Variants in RHOU observed in about 807,000 individuals in gnomAD.
RHOU encodes the protein ras homolog family member U.
A neutral mutation model predicts 12.6 loss-of-function variants in RHOU; 8 were observed. The observed-to-expected ratio is 0.64, with a 90% CI of 0.37 to 1.15. The LOEUF is 1.15. RHOU is among the 50% of genes most tolerant of loss of function. The pLI is 0.01. For synonymous variants in RHOU, 161 were observed against 147.4 expected, an observed-to-expected ratio of 1.09 and a Z score of -0.67; for missense variants, 258 against 347.0, an observed-to-expected ratio of 0.74 and a Z score of 2.04.
the RHOU span, among the ~76,000 whole-genome samples, chr1:228,690,700 C>A: frequency 6.6e-6 from 1 of 152,090 alleles, no homozygotes; most frequent in South Asian, 2.1e-4. Context: ...TCACTGAAAC[C>A]TTTGCCTTCT....
the RHOU span, among the ~76,000 whole-genome samples, chr1:228,648,496 C>CG: frequency 6.6e-6 from 1 of 152,182 alleles, no homozygotes. Flanking sequence ...TGCCTTGCGG[C>CG]GGGGGGATTG....
At chr1:228,704,327 C>T in the RHOU span, among the ~76,000 whole-genome samples, 864 of 152,220 alleles carry the variant, frequency 5.7e-3, no homozygotes, top group Middle Eastern at 0.02. Flanking sequence ...CATGGTCACG[C>T]GCTTAATCTT....
chr1:228,737,746 A>G lies in RHOU; in HGVS notation c.321+15A>G, dbSNP rs201828682. Reference sequence around the variant, plus strand: ...CTGCCGGACAGGTCAGTATCACGTTACAGCTCAGTGCTGGGAAAGGAAACA... The same window carrying G: ...CTGCCGGACAGGTCAGTATCACGTTGCAGCTCAGTGCTGGGAAAGGAAACA... On this transcript the variant is annotated intron_variant, in intron 2 of 2. Coordinates refer to ENST00000366691, the MANE Select transcript of RHOU (RefSeq NM_021205.6). The surrounding 1 kb of genome is among the most constrained non-coding windows in gnomAD (Gnocchi z 4.1). The G allele has an allele frequency of 1.4e-4, 221 of 1,613,562 alleles. 1 individual carries two copies. The highest frequency in any genetic ancestry group is 3.3e-5 in the Admixed American group (2 of 60,006).
At chr1:228,702,087 A>G in the RHOU span, among the ~76,000 whole-genome samples, 1 of 152,180 alleles carries the variant, frequency 6.6e-6, no homozygotes, top group Non-Finnish European at 1.5e-5. Context: ...ATAAGATGCC[A>G]AATTATATAA....
At chr1:228,669,512 G>A in the RHOU span, among the ~76,000 whole-genome samples, 1 of 152,154 alleles carries the variant, frequency 6.6e-6, no homozygotes, top group African/African-American at 2.4e-5. Flanking sequence ...ACCTAAGAAT[G>A]TTTTTTCTGC....
the RHOU span, among the ~76,000 whole-genome samples, chr1:228,668,830 C>T: frequency 6.6e-6 from 1 of 152,204 alleles, no homozygotes; most frequent in East Asian, 1.9e-4. Context: ...AGGCTTGAGC[C>T]AGCAGACTAG....
At chr1:228,689,345 C>T in the RHOU span, among the ~76,000 whole-genome samples, 6 of 152,088 alleles carry the variant, frequency 3.9e-5, no homozygotes, top group Non-Finnish European at 7.3e-5. Flanking sequence ...AGATAGGGCC[C>T]AGCAAATGTG....
chr1:228,674,868 C>T, the RHOU span, among the ~76,000 whole-genome samples: 3 of 151,610 alleles, frequency 2.0e-5, no homozygotes, highest in Non-Finnish European at 4.4e-5. Flanking sequence ...GTAGCTGGGA[C>T]TACAGGCGCC....
the RHOU span, among the ~76,000 whole-genome samples, chr1:228,679,864 A>C: frequency 6.6e-6 from 1 of 151,942 alleles, no homozygotes; most frequent in Non-Finnish European, 1.5e-5. Context: ...ACTGGGGGAA[A>C]AGGGCGGTAA....
chr1:228,679,519 T>A, the RHOU span, among the ~76,000 whole-genome samples: 1 of 151,874 alleles, frequency 6.6e-6, no homozygotes, highest in Non-Finnish European at 1.5e-5. Flanking sequence ...GGAGAATATA[T>A]GGGTTTGGCA....
chr1:228,735,648 G>T lies in RHOU; in HGVS notation c.-95G>T. 8.2e-6 allele frequency: 8 copies of T among 976,188 alleles called. No individual in the cohort carries two copies. Among genetic ancestry groups the T allele is most frequent in the Non-Finnish European group, 1.0e-5 (8 of 777,882 alleles). The allele number at this position is 976,188 out of a possible 1,614,324, so 60.5% of individuals were successfully genotyped here. A position where few individuals can be genotyped will look rare whatever the true frequency, so the allele number is the denominator to read the frequency against. The stretch of plus-strand genomic sequence containing the variant: ...GGCCGGGGACGCGCCCGCAGCTGTC[G>T]GTGACAGCTCCTCCCTACCGCAACC... On this transcript the variant is annotated 5_prime_UTR_variant, in exon 1 of 3. Transcript: ENST00000366691. The surrounding 1 kb of genome is among the most constrained non-coding windows in gnomAD (Gnocchi z 8.1).
the RHOU span, among the ~76,000 whole-genome samples, chr1:228,674,892 G>A: frequency 5.3e-5 from 8 of 151,834 alleles, no homozygotes; most frequent in South Asian, 2.1e-4. Flanking sequence ...CACCATGCCC[G>A]GCTAATTTTT....
the RHOU span, among the ~76,000 whole-genome samples, chr1:228,707,105 C>CATATATATATATATATATAT: frequency 1.4e-5 from 1 of 70,830 alleles, no homozygotes; most frequent in Admixed American, 1.7e-4. Context: ...TATATACATA[C>CATATATATATATATATATAT]ATATATATAT....
chr1:228,658,532 C>G, the RHOU span, among the ~76,000 whole-genome samples: 1 of 152,176 alleles, frequency 6.6e-6, no homozygotes, highest in African/African-American at 2.4e-5. Context: ...ATGCCTTGAT[C>G]TTGGACACCC....
chr1:228,708,491 G>T, the RHOU span, among the ~76,000 whole-genome samples: 4 of 151,414 alleles, frequency 2.6e-5, no homozygotes, highest in Non-Finnish European at 5.9e-5. Context: ...AGAAGAGAGT[G>T]GGGGCCAATA....
the RHOU span, among the ~76,000 whole-genome samples, chr1:228,719,101 C>T: frequency 1.3e-5 from 2 of 152,136 alleles, no homozygotes; most frequent in African/African-American, 2.4e-5. Context: ...GTGGAGTATC[C>T]TGATGGCTTC....
the RHOU span, among the ~76,000 whole-genome samples, chr1:228,714,740 C>CTTTTTTT: frequency 5.6e-4 from 47 of 83,704 alleles, 1 homozygote; most frequent in African/African-American, 8.6e-4. Context: ...TGTTAATTAT[C>CTTTTTTT]TTTTTTTTTT....
At chr1:228,664,587 A>T in the RHOU span, among the ~76,000 whole-genome samples, 4 of 152,146 alleles carry the variant, frequency 2.6e-5, no homozygotes, top group Non-Finnish European at 5.9e-5. Context: ...GGGCAGCATT[A>T]CCCCACAGAG....
the RHOU span, among the ~76,000 whole-genome samples, chr1:228,655,779 G>A: frequency 6.6e-6 from 1 of 152,208 alleles, no homozygotes; most frequent in African/African-American, 2.4e-5. Context: ...TCAAAAAGGG[G>A]AAATGTAAAA....
Sources: allele counts gnomAD v4.1 joint callset (sites outside exome capture counted in the v4.1 genomes callset), GRCh38; gene constraint gnomAD v4.1.1; non-coding constraint Gnocchi (gnomAD v3.1); transcripts MANE v1.5; gene names NCBI Gene and HGNC (gene_info 2026-07-23, HGNC 2026-07-21).